DIP2A: variants seen among roughly 807,000 people sequenced by gnomAD.
DIP2A encodes DIP2 acetate--CoA ligase A.
In DIP2A, 85 loss-of-function variants were observed where a neutral mutation model predicts 177.4. The observed-to-expected ratio is 0.48, with a 90% CI of 0.40 to 0.57. The LOEUF is 0.57. DIP2A is among the 20% of genes least tolerant of loss of function. DIP2A has a pLI of 0.00. For synonymous variants in DIP2A, 886 were observed against 881.8 expected (o/e 1.00, Z -0.08); for missense variants, 1,791 against 2,100.2 (o/e 0.85, Z 2.88).
At chr21:46,566,755 C>T (rs889814366) in intron 37 of DIP2A, 72 bp downstream of exon 37, 20 of 1,591,550 alleles carry the variant, frequency 1.3e-5, no homozygotes, top group South Asian at 2.3e-5. Context: ...TGCTGTGCAT[C>T]GGTTGGAGCA....
chr21:46,583,232 A>G, the DIP2A span, among the ~76,000 whole-genome samples: 1 of 152,190 alleles, frequency 6.6e-6, no homozygotes, highest in African/African-American at 2.4e-5. Context: ...ACAAAACACT[A>G]CAATACACAA....
At chr21:46,570,971 CT>C (rs1334011657), downstream of DIP2A, among the ~76,000 whole-genome samples, 4 of 152,314 alleles carry the variant, frequency 2.6e-5, no homozygotes, top group African/African-American at 7.2e-5. Context: ...GGAGAAGCAA[CT>C]TGCTACATAC....
chr21:46,469,454 A>C (rs1488921909), intron 1 of DIP2A: 1 of 152,274 alleles, frequency 6.6e-6, no homozygotes, highest in East Asian at 1.9e-4. Flanking sequence ...AGATAAGTGC[A>C]CTGTTGCTCC....
At chr21:46,546,550 G>C (rs2060049035) in intron 20 of DIP2A, among the ~76,000 whole-genome samples, 1 of 152,186 alleles carries the variant, frequency 6.6e-6, no homozygotes, top group South Asian at 2.1e-4. Flanking sequence ...CCTGCCCTTA[G>C]CTCAGCAGTT....
At chr21:46,527,609 A>ATCAT (rs1274494491) in intron 8 of DIP2A, among the ~76,000 whole-genome samples, 6 of 151,774 alleles carry the variant, frequency 4.0e-5, no homozygotes, top group African/African-American at 1.5e-4. Flanking sequence ...TACAGGCATG[A>ATCAT]GTCACCGTGC....
At chr21:46,574,990 A>G (rs552394408), downstream of DIP2A, among the ~76,000 whole-genome samples, 1 of 152,306 alleles carries the variant, frequency 6.6e-6, no homozygotes, top group Admixed American at 6.5e-5. Flanking sequence ...AAAACTACAG[A>G]CCATGATTCC....
intron 35 of DIP2A, among the ~76,000 whole-genome samples, chr21:46,565,427 A>G (rs1008827502): frequency 2.6e-5 from 4 of 152,186 alleles, no homozygotes; most frequent in Non-Finnish European, 5.9e-5. Flanking sequence ...GTTGGATGTG[A>G]GGAAGGTGGA....
intron 1 of DIP2A, among the ~76,000 whole-genome samples, chr21:46,471,540 C>G (rs1348657164): frequency 3.3e-5 from 5 of 152,208 alleles, no homozygotes; most frequent in South Asian, 2.1e-4. Flanking sequence ...ATCTTTACAC[C>G]TTTAAATTAG....
intron 1 of DIP2A, among the ~76,000 whole-genome samples, chr21:46,467,260 C>T (rs2054916938): frequency 6.9e-6 from 1 of 145,338 alleles, no homozygotes; most frequent in East Asian, 2.0e-4. Flanking sequence ...CGCACCGCTG[C>T]ACTCCAGCCT....
chr21:46,483,221 CACAG>C (rs1440236261), intron 1 of DIP2A, among the ~76,000 whole-genome samples: 2 of 151,890 alleles, frequency 1.3e-5, no homozygotes, highest in Non-Finnish European at 2.9e-5. Context: ...ATTAAAAGTA[CACAG>C]ACACAAAGCA....
chr21:46,554,990 T>C, intron 28 of DIP2A, 57 bp downstream of exon 28: 1 of 1,501,438 alleles, frequency 6.7e-7, no homozygotes, highest in Non-Finnish European at 9.0e-7. Context: ...GTTGTAGGTG[T>C]GGTGTGGCCT....
chr21:46,538,883 G>A (rs1293658096), intron 16 of DIP2A: 5 of 363,404 alleles, frequency 1.4e-5, no homozygotes, highest in Non-Finnish European at 2.0e-5. Context: ...AGATTGTGCT[G>A]TGGCCTGGGG....
chr21:46,565,758 T>C lies in DIP2A; in HGVS notation c.4210T>C (p.Tyr1404His). Residue 1404 changes from tyrosine to histidine, a missense_variant, in exon 36 of 38, where the codon TAC becomes CAC. Transcript: ENST00000417564. ...CAATGCCACCGGGTACTACACCGTT[T>C]ACGGGGAGGAGGCGCTTCATGCCGA... The part of the protein sequence containing the change: ...PHNATGYYTV[Y>H]GEEALHADHF... The C allele has an allele frequency of 1.2e-6, 2 of 1,613,974 alleles. No homozygotes were observed. The highest frequency in any genetic ancestry group is 1.7e-6 in the Non-Finnish European group (2 of 1,179,882).
In DIP2A at chr21:46,459,141, C is replaced by G. The variant is rs886862153; in HGVS notation, c.10C>G (p.Arg4Gly). The G allele has an allele frequency of 2.0e-5, 30 of 1,512,928 alleles. No individual in the cohort carries two copies. The African/African-American group carries it at 4.2e-4, about 21-fold the overall frequency. 93.7% of individuals were successfully genotyped at this position (1,512,928 alleles called of 1,614,324 possible). A position where few individuals can be genotyped will look rare whatever the true frequency, so the allele number is the denominator to read the frequency against. ...GCTAGCCGGCCTGGCCATGGCTGAC[C>G]GCGGGTGCCCGCTGGAGGCGGCGCC... Reference protein sequence around the residue: MADRGCPLEAAPLP... With the variant: MADGGCPLEAAPLP... Residue 4 changes from arginine (R) to glycine (G), a missense_variant, in exon 1 of 38, where the codon CGC (arginine) becomes GGC (glycine). Physicochemically the swap from Arg to Gly is moderately radical, Grantham distance 125. Coordinates refer to ENST00000417564, the MANE Select transcript of DIP2A (RefSeq NM_015151.4).
At chr21:46,506,416 C>A (rs1364911913) in intron 6 of DIP2A, among the ~76,000 whole-genome samples, 4 of 152,172 alleles carry the variant, frequency 2.6e-5, no homozygotes, top group African/African-American at 7.2e-5. Context: ...CCATACCCAG[C>A]CTATTTTAAC....
rs1391796584 is a variant in DIP2A at position 46,551,719 on chromosome 21, G to A, written c.2925G>A (p.Leu975=). The change falls in exon 24 of 38, where the codon CTG becomes CTA. Residue 975 remains leucine, a synonymous_variant. Coordinates refer to ENST00000417564, the MANE Select transcript of DIP2A (RefSeq NM_015151.4). The part of the protein sequence containing the change: ...AQASGRELAH[L]EDSDQARKFL... ...CTTCCGGGAGAGAGCTCGCCCACCT[G>A]GAGGACAGCGACCAGGCACGGAAGG... The A allele has an allele frequency of 6.2e-7, 1 of 1,613,844 alleles. No homozygotes were observed. The highest frequency in any genetic ancestry group is 8.5e-7 in the Non-Finnish European group (1 of 1,179,886).
chr21:46,494,530 T>C (rs1372299342), intron 3 of DIP2A, among the ~76,000 whole-genome samples: 2 of 152,224 alleles, frequency 1.3e-5, no homozygotes, highest in Non-Finnish European at 2.9e-5. Context: ...GATTCTGACA[T>C]TCCTTCTTCA....
intron 32 of DIP2A, 150 bp downstream of exon 32, chr21:46,558,543 C>A: frequency 1.3e-6 from 1 of 766,628 alleles, no homozygotes; most frequent in South Asian, 1.7e-5. Flanking sequence ...AACATTTTAG[C>A]TTCAAGGGTT....
At chr21:46,485,255 TG>T (rs1309723080) in intron 2 of DIP2A, among the ~76,000 whole-genome samples, 7 of 134,032 alleles carry the variant, frequency 5.2e-5, no homozygotes, top group African/African-American at 2.5e-4. Flanking sequence ...TGTGTGTGTG[TG>T]TAACTTAACG....
Sources: gnomAD v4.1 joint callset for allele counts (sites outside exome capture counted in the v4.1 genomes callset) on GRCh38, gnomAD v4.1.1 for gene constraint, MANE v1.5 for transcripts, NCBI Gene and HGNC (gene_info 2026-07-23, HGNC 2026-07-21) for gene names.